GNPTAB: variants seen among roughly 807,000 people sequenced by gnomAD.
The protein encoded by GNPTAB is N-acetylglucosamine-1-phosphate transferase subunits alpha and beta, also known as N-acetylglucosamine-1-phosphotransferase subunits alpha/beta.
In GNPTAB, 92 loss-of-function variants were observed where a neutral mutation model predicts 136.6. The ratio of observed to expected loss-of-function variants is 0.67; its 90% CI spans 0.57 to 0.80. GNPTAB has a LOEUF of 0.80. GNPTAB is among the 30% of genes least tolerant of loss of function. The pLI is 0.00. For missense variants in GNPTAB, 1,343 were observed against 1,501.8 expected (o/e 0.89, Z 1.75); for synonymous variants, 512 against 535.1 (o/e 0.96, Z 0.60).
intron 3 of GNPTAB, among the ~76,000 whole-genome samples, chr12:101,789,732 C>T (rs570761112): frequency 6.6e-6 from 1 of 152,316 alleles, no homozygotes; most frequent in African/African-American, 2.4e-5. Context: ...GATCCTCCCA[C>T]CTCCACCTCC....
At chr12:101,791,486 C>T (rs986371402) in intron 2 of GNPTAB, among the ~76,000 whole-genome samples, 3 of 132,492 alleles carry the variant, frequency 2.3e-5, no homozygotes, top group African/African-American at 8.4e-5. Context: ...ATAAACCACG[C>T]AAAAAAAAAA....
intron 1 of GNPTAB, among the ~76,000 whole-genome samples, chr12:101,827,292 GGTTTCGCCAT>G (rs1871138697): frequency 1.3e-5 from 2 of 151,970 alleles, no homozygotes. Flanking sequence ...GCAGAGATAG[GGTTTCGCCAT>G]GTTGCCCAGG....
rs778120023 is a variant in GNPTAB, at chr12:101,747,177, C to T, written c.3758G>A (p.Arg1253Gln). ...RRIHKEASPN[R>Q]IRV ...AATGAAGATCTTCTATACTCTGATTCGATTGGGACTAGCTTCTTTGTGTAT... is the reference window on the plus strand; with the variant it reads ...AATGAAGATCTTCTATACTCTGATTTGATTGGGACTAGCTTCTTTGTGTAT... Residue 1253 changes from arginine (R) to glutamine (Q), a missense_variant, in exon 21 of 21, where the codon CGA becomes CAA. Arg to Gln is a conservative substitution (Grantham distance 43). Coordinates refer to ENST00000299314, the MANE Select transcript of GNPTAB (RefSeq NM_024312.5). 1.1e-5 allele frequency: 17 copies of T among 1,576,060 alleles called. No homozygotes were observed. The highest frequency in any genetic ancestry group is 6.7e-5 in the East Asian group (3 of 44,692).
chr12:101,828,576 G>T (rs756583397), intron 1 of GNPTAB, among the ~76,000 whole-genome samples: 9 of 151,650 alleles, frequency 5.9e-5, no homozygotes, highest in African/African-American at 9.7e-5. Flanking sequence ...TGAGAATCAC[G>T]TGAACCCAGG....
chr12:101,796,307 A>C, intron 2 of GNPTAB: 1 of 702,506 alleles, frequency 1.4e-6, no homozygotes, highest in South Asian at 1.5e-5. Flanking sequence ...GGTACCCAAT[A>C]AACTACAAGG....
intron 11 of GNPTAB, chr12:101,767,798 G>T (rs539964433): frequency 3.6e-5 from 22 of 611,914 alleles, no homozygotes; most frequent in South Asian, 3.2e-4. Flanking sequence ...AATTTTTTTT[G>T]ATAGAGATGG....
intron 19 of GNPTAB, among the ~76,000 whole-genome samples, chr12:101,752,782 TCA>T (rs1412629477): frequency 6.6e-6 from 1 of 152,188 alleles, no homozygotes; most frequent in Non-Finnish European, 1.5e-5. Context: ...AACAATCCCT[TCA>T]CTTACACATT....
At chr12:101,796,082 C>G (rs1204736546) in intron 2 of GNPTAB, 2 of 599,304 alleles carry the variant, frequency 3.3e-6, no homozygotes. Context: ...GCTCCTCCCT[C>G]ATAGGTAAGC....
In GNPTAB at chr12:101,788,586, T is replaced by G. The variant is rs1470989298; in HGVS notation, c.327A>C (p.Glu109Asp). ...GTTCCGTTGTGTTTTTCCCAAGGAT[T>G]TCTCTAATAAAAAGCAAATACAGTT... ...QMEEEQKAMR[E>D]ILGKNTTEPT... The change falls in exon 4 of 21, where the codon GAA becomes GAC. Residue 109 changes from glutamate (E) to aspartate (D), a missense_variant. By Grantham distance (45) the Glu-to-Asp change is conservative. Coordinates refer to ENST00000299314, the MANE Select transcript of GNPTAB (RefSeq NM_024312.5). The G allele has an allele frequency of 6.5e-7, 1 of 1,542,122 alleles. No homozygotes were observed. Among genetic ancestry groups the G allele is most frequent in the African/African-American group, 1.4e-5 (1 of 73,542 alleles).
At chr12:101,824,432 A>ATATTTT (rs1188582277) in intron 1 of GNPTAB, among the ~76,000 whole-genome samples, 2 of 50,876 alleles carry the variant, frequency 3.9e-5, no homozygotes, top group African/African-American at 1.7e-4. Context: ...ATATATATAT[A>ATATTTT]TTTTCTTTTT....
chr12:101,808,993 A>T (rs1870085944), intron 1 of GNPTAB, among the ~76,000 whole-genome samples: 1 of 152,222 alleles, frequency 6.6e-6, no homozygotes, highest in African/African-American at 2.4e-5. Flanking sequence ...TAAAAGAATA[A>T]AAAGATAACT....
intron 6 of GNPTAB, 98 bp from the exon 7 acceptor site, chr12:101,780,384 C>T (rs1329715729): frequency 7.6e-7 from 1 of 1,313,750 alleles, no homozygotes; most frequent in Non-Finnish European, 1.1e-6. Flanking sequence ...CATCACAACA[C>T]AAGCTTCAAA....
intron 1 of GNPTAB, among the ~76,000 whole-genome samples, chr12:101,811,149 C>A (rs1048145630): frequency 6.6e-6 from 1 of 152,300 alleles, no homozygotes; most frequent in East Asian, 1.9e-4. Flanking sequence ...ATGACCTGCA[C>A]ATCCAGAGAG....
chr12:101,754,452 T>C (rs1418146564), intron 18 of GNPTAB, among the ~76,000 whole-genome samples: 1 of 150,326 alleles, frequency 6.7e-6, no homozygotes, highest in Non-Finnish European at 1.5e-5. Context: ...AAAAAAAAAA[T>C]CAAAACCAAG....
chr12:101,776,053 C>A (rs1326846032), intron 7 of GNPTAB, among the ~76,000 whole-genome samples: 1 of 151,748 alleles, frequency 6.6e-6, no homozygotes, highest in Non-Finnish European at 1.5e-5. Flanking sequence ...TACACACACG[C>A]TGCTTCCAAA....
At chr12:101,767,193 A>ACTCT (rs373633118) in intron 11 of GNPTAB, among the ~76,000 whole-genome samples, 5 of 151,256 alleles carry the variant, frequency 3.3e-5, no homozygotes, top group Admixed American at 6.6e-5. Context: ...GTACATACTT[A>ACTCT]CTCTCTCTCT....
chr12:101,763,221 C>CAA (rs754822672), intron 13 of GNPTAB, among the ~76,000 whole-genome samples: 41 of 59,902 alleles, frequency 6.8e-4, no homozygotes, highest in African/African-American at 2.4e-3. Context: ...AACTCCATCT[C>CAA]AAAAAAAAAA....
intron 1 of GNPTAB, among the ~76,000 whole-genome samples, chr12:101,818,059 G>A (rs538266034): frequency 1.2e-4 from 18 of 152,248 alleles, no homozygotes; most frequent in Admixed American, 5.9e-4. Context: ...CTGCCTCTTC[G>A]GCTTCATTCC....
chr12:101,803,157 A>G (rs1869739978), intron 1 of GNPTAB, among the ~76,000 whole-genome samples: 1 of 152,184 alleles, frequency 6.6e-6, no homozygotes, highest in Non-Finnish European at 1.5e-5. Context: ...CCTCAGAATC[A>G]AGGTCCCTCT....
Sources: gnomAD v4.1 joint callset for allele counts (sites outside exome capture counted in the v4.1 genomes callset) on GRCh38, gnomAD v4.1.1 for gene constraint, MANE v1.5 for transcripts, NCBI Gene and HGNC (gene_info 2026-07-23, HGNC 2026-07-21) for gene names.